The following MAN1A2 variants were observed in gnomAD, a reference collection of about 807,000 sequenced individuals.
The protein encoded by MAN1A2 is mannosidase alpha class 1A member 2, also known as mannosyl-oligosaccharide 1,2-alpha-mannosidase IB.
MAN1A2 carries 26 observed loss-of-function variants against 75.7 expected under a neutral mutation model. The observed-to-expected ratio is 0.34, with a 90% confidence interval of 0.25 to 0.48. The LOEUF (loss-of-function observed/expected upper bound fraction) is 0.48. Among genes scored for constraint, MAN1A2 ranks in the 20% least tolerant of loss-of-function variants. The pLI is 0.99. For missense variants in MAN1A2, 562 were observed against 775.5 expected, an observed-to-expected ratio of 0.72 and a Z score of 3.27; for synonymous variants, 247 against 264.6, an observed-to-expected ratio of 0.93 and a Z score of 0.65.
In MAN1A2 at chr1:117,526,880, C is replaced by CTCTCTCTCTCTCTATATATATATA; in HGVS notation, c.*3924_*3925insCTCTCTCTCTCTATATATATATAT. The stretch of plus-strand genomic sequence containing the variant: ...TCTCTCTCTCTCTCTCTCTCTCTCT[C>CTCTCTCTCTCTCTATATATATATA]TATATATATATATATATATATATAT... On this transcript the variant is annotated 3_prime_UTR_variant, in exon 13 of 13. Transcript: ENST00000356554. 2.9e-4 allele frequency: 16 copies of CTCTCTCTCTCTCTATATATATATA among 54,510 alleles called. No individual in the cohort carries two copies. The highest frequency in any genetic ancestry group is 7.3e-4 in the African/African-American group (9 of 12,282). 3.4% of individuals were successfully genotyped at this position (54,510 alleles called of 1,614,324 possible). A position where few individuals can be genotyped will look rare whatever the true frequency, so the allele number is the denominator to read the frequency against.
chr1:117,476,093 A>G (rs1650303770), intron 8 of MAN1A2, among the ~76,000 whole-genome samples: 1 of 151,982 alleles, frequency 6.6e-6, no homozygotes, highest in Non-Finnish European at 1.5e-5. Context: ...TGTGGTTTTG[A>G]TTTGCATTTC....
Position 117,413,391 on chromosome 1 carries a change from CAGT to C in MAN1A2, c.656-1319_656-1317del, listed in dbSNP as rs1350290299. 4.0e-5 allele frequency among the ~76,000 whole-genome samples: 6 copies of C among 151,708 alleles called. No individual in the cohort carries two copies. The East Asian group carries it at 1.2e-3, about 29-fold the overall frequency. On this transcript the variant is annotated intron_variant, in intron 3 of 12. Transcript: ENST00000356554. ...TCATTGGAAGAAAACAATTTCTACT[CAGT>C]AGAAAGAGGAATGGAAAAAGAAAGA... is the stretch of plus-strand genomic sequence containing the variant.
At chr1:117,436,313 C>G (rs1161015028) in intron 5 of MAN1A2, among the ~76,000 whole-genome samples, 2 of 152,066 alleles carry the variant, frequency 1.3e-5, no homozygotes, top group Non-Finnish European at 2.9e-5. Context: ...GAAGGGGTAT[C>G]CGAAGCTGAA....
chr1:117,423,945 C>T (rs12117443), intron 5 of MAN1A2, among the ~76,000 whole-genome samples: 17,225 of 149,288 alleles, frequency 0.12, 1,077 homozygotes, highest in Non-Finnish European at 0.14. Context: ...TGCAATGGCG[C>T]GATCACAGCT....
At chr1:117,417,557 A>ATATATATATATATATATATATGTGTG (rs1214425551) in intron 4 of MAN1A2, among the ~76,000 whole-genome samples, 20 of 140,744 alleles carry the variant, frequency 1.4e-4, no homozygotes, top group African/African-American at 5.0e-4. Flanking sequence ...ATATATATAT[A>ATATATATATATATATATATATGTGTG]TGTGATATAT....
intron 1 of MAN1A2, among the ~76,000 whole-genome samples, chr1:117,393,019 T>G (rs1271440027): frequency 6.6e-6 from 1 of 152,256 alleles, no homozygotes; most frequent in African/African-American, 2.4e-5. Flanking sequence ...GGAAAGGGAT[T>G]ACTGTTAAGG....
intron 8 of MAN1A2, among the ~76,000 whole-genome samples, chr1:117,472,220 C>G (rs1022805992): frequency 6.6e-6 from 1 of 151,832 alleles, no homozygotes; most frequent in East Asian, 1.9e-4. Flanking sequence ...CAATAAATTC[C>G]TACCTATTCA....
rs1249164775 is a variant in MAN1A2, at chr1:117,528,270, A to G, written c.*5313A>G. On this transcript the variant is annotated 3_prime_UTR_variant, in exon 13 of 13. Transcript: ENST00000356554. ...TAATAGATTTTTCTTTAAGAATTTT[A>G]TCAAATATTTCACTATTTGGGGAAA... is the stretch of plus-strand genomic sequence containing the variant. 1 of 152,066 alleles carries G rather than the reference A, an allele frequency of 6.6e-6. No individual in the cohort carries two copies. The highest frequency in any genetic ancestry group is 1.5e-5 in the Non-Finnish European group (1 of 67,972). 9.4% of individuals were successfully genotyped at this position (152,066 alleles called of 1,614,324 possible). A position where few individuals can be genotyped will look rare whatever the true frequency, so the allele number is the denominator to read the frequency against.
At position 117,392,527 on chromosome 1, in the gene MAN1A2, AT is replaced by A. The variant is rs112005578; in HGVS notation, c.303-9657del. ...CATTTTGTGCTTACTTTGTTTATGT[AT>A]TCATTAGATTGTGAACTCCTGTGGG... On this transcript the variant is annotated intron_variant, in intron 1 of 12. Coordinates refer to ENST00000356554, the MANE Select transcript of MAN1A2 (RefSeq NM_006699.5). Among the ~76,000 whole-genome samples the A allele has an allele frequency of 6.7e-3, 1,013 of 152,158 alleles. 19 individuals carry two copies. The highest frequency in any genetic ancestry group is 0.022 in the African/African-American group (915 of 41,514).
chr1:117,455,254 G>A (rs1375749189), intron 6 of MAN1A2, among the ~76,000 whole-genome samples: 1 of 152,122 alleles, frequency 6.6e-6, no homozygotes, highest in Non-Finnish European at 1.5e-5. Context: ...AAACACAGGA[G>A]CATATACTGT....
chr1:117,528,028 C>T lies in MAN1A2; in HGVS notation c.*5071C>T, dbSNP rs1019444872. On this transcript the variant is annotated 3_prime_UTR_variant, in exon 13 of 13. Transcript: ENST00000356554. ...AGGAGAATCCCTTTCTCTTGCATAA[C>T]TCTCAATCCTTTACAAGTAAGTAGC... 6.6e-6 allele frequency: 1 copy of T among 152,046 alleles called. No individual in the cohort carries two copies. Among genetic ancestry groups the T allele is most frequent in the Non-Finnish European group, 1.5e-5 (1 of 67,982 alleles). 9.4% of individuals were successfully genotyped at this position (152,046 alleles called of 1,614,324 possible).
chr1:117,456,949 G>A (rs1649600448), intron 6 of MAN1A2, among the ~76,000 whole-genome samples: 3 of 152,090 alleles, frequency 2.0e-5, no homozygotes, highest in South Asian at 4.1e-4. Context: ...TACACATTGA[G>A]TGTTTTAATT....
chr1:117,517,522 A>T (rs1482326552), intron 12 of MAN1A2, among the ~76,000 whole-genome samples: 1 of 152,146 alleles, frequency 6.6e-6, no homozygotes, highest in East Asian at 1.9e-4. Flanking sequence ...GATTATTAGC[A>T]TGTTAGACAT....
chr1:117,383,744 T>A (rs955064635), intron 1 of MAN1A2, among the ~76,000 whole-genome samples: 27 of 147,580 alleles, frequency 1.8e-4, no homozygotes, highest in African/African-American at 6.2e-4. Flanking sequence ...TCATATTCTT[T>A]AAAAATTTTT....
rs777503921 is a variant in MAN1A2, at chr1:117,368,220, A to G, written c.37A>G (p.Arg13Gly). 2 of 1,613,924 alleles carry G rather than the reference A, an allele frequency of 1.2e-6. No homozygotes were observed. Among genetic ancestry groups the G allele is most frequent in the Non-Finnish European group, 1.7e-6 (2 of 1,179,950 alleles). ...TPALLPLSGR[R>G]IPPLNLGPPS... ...AGCCCTGCTGCCCCTCTCTGGACGT[A>G]GGATACCACCTCTGAACCTGGGGCC... The change falls in exon 1 of 13, where the codon AGG (arginine) becomes GGG (glycine). Residue 13 changes from arginine to glycine, a missense_variant. Physicochemically the swap from Arg to Gly is moderately radical, Grantham distance 125. Coordinates refer to ENST00000356554, the MANE Select transcript of MAN1A2 (RefSeq NM_006699.5).
chr1:117,507,812 C>T (rs1345658025), intron 12 of MAN1A2, among the ~76,000 whole-genome samples: 2 of 151,556 alleles, frequency 1.3e-5, no homozygotes, highest in Non-Finnish European at 3.0e-5. Flanking sequence ...ACTACTGTCC[C>T]CTCTCCAGCT....
intron 1 of MAN1A2, among the ~76,000 whole-genome samples, chr1:117,369,771 TAATATGATCTGTGA>T (rs1652896289): frequency 6.6e-6 from 1 of 152,236 alleles, no homozygotes; most frequent in African/African-American, 2.4e-5. Flanking sequence ...AAGAAAACAC[TAATATGATCTGTGA>T]AATATGTTAC....
At chr1:117,492,392 C>T (rs1650909398) in intron 8 of MAN1A2, among the ~76,000 whole-genome samples, 1 of 152,050 alleles carries the variant, frequency 6.6e-6, no homozygotes, top group Non-Finnish European at 1.5e-5. Flanking sequence ...GCATTTTTAG[C>T]AATAAAGTAT....
At chr1:117,522,703 T>G in intron 12 of MAN1A2, 122 bp from the exon 13 acceptor site, 1 of 802,826 alleles carries the variant, frequency 1.2e-6, no homozygotes, top group South Asian at 1.7e-5. Flanking sequence ...TTTATTTCTT[T>G]GATGTTTTTC....
Sources: allele counts gnomAD v4.1 joint callset (sites outside exome capture counted in the v4.1 genomes callset), GRCh38; gene constraint gnomAD v4.1.1; transcripts MANE v1.5; gene names NCBI Gene and HGNC (gene_info 2026-07-23, HGNC 2026-07-21).